The following COBLL1 variants were observed in gnomAD, a reference collection of about 807,000 sequenced individuals.
COBLL1 encodes cordon-bleu protein-like 1.
Under a neutral mutation model 94.8 loss-of-function variants are expected in COBLL1, and 50 were observed. The observed-to-expected ratio is 0.53, with a 90% CI of 0.42 to 0.67. The LOEUF is 0.67. Among genes scored for constraint, COBLL1 ranks in the 30% least tolerant of loss-of-function variants. COBLL1 has a pLI of 0.00. For missense variants in COBLL1, 1,362 were observed against 1,348.7 expected (o/e 1.01, Z -0.15); for synonymous variants, 448 against 473.8 (o/e 0.95, Z 0.71).
intron 1 of COBLL1, among the ~76,000 whole-genome samples, chr2:164,671,186 T>G (rs1174965792): frequency 6.6e-6 from 1 of 152,180 alleles, no homozygotes; most frequent in Non-Finnish European, 1.5e-5. Context: ...CAGTAATCTA[T>G]TATTAGAACC....
chr2:164,754,988 C>T (rs1687321564), intron 2 of COBLL1, among the ~76,000 whole-genome samples: 2 of 151,996 alleles, frequency 1.3e-5, no homozygotes, highest in Admixed American at 1.3e-4. Context: ...CATAATAATA[C>T]TTCATCTCTA....
chr2:164,747,495 T>C (rs1686922543), intron 2 of COBLL1, among the ~76,000 whole-genome samples: 1 of 152,166 alleles, frequency 6.6e-6, no homozygotes, highest in Non-Finnish European at 1.5e-5. Flanking sequence ...CACAGAACTT[T>C]TTTTTTAAGA....
At position 164,818,267 on chromosome 2, in the gene COBLL1, CGTAT is replaced by C. The variant is rs1177680028; in HGVS notation, c.41+22885_41+22888del. Among the ~76,000 whole-genome samples, 876 of 102,380 alleles carry C rather than the reference CGTAT, an allele frequency of 8.6e-3. 9 individuals carry two copies. The highest frequency in any genetic ancestry group is 0.031 in the African/African-American group (799 of 25,642). The allele number at this position is 102,380 out of a possible 152,430, so 67.2% of individuals were successfully genotyped here. A position where few individuals can be genotyped will look rare whatever the true frequency, so the allele number is the denominator to read the frequency against. ...ATACATGTGCATATACACATATACACGTATGTATGTATACATATATGTATGTATA... is the reference window on the plus strand; with the variant it reads ...ATACATGTGCATATACACATATACACGTATGTATACATATATGTATGTATA... On this transcript the variant is annotated intron_variant, in intron 2 of 13. Coordinates refer to ENST00000652658, the MANE Select transcript of COBLL1 (RefSeq NM_001365672.2).
At chr2:164,838,623 C>T (rs780101805) in intron 2 of COBLL1, among the ~76,000 whole-genome samples, 1 of 152,172 alleles carries the variant, frequency 6.6e-6, no homozygotes, top group Non-Finnish European at 1.5e-5. Flanking sequence ...GGGACTTCAA[C>T]ACACTCAGTG....
In COBLL1 at chr2:164,721,071, T is replaced by C. The variant is rs532255628; in HGVS notation, c.996+1004A>G. 5.9e-5 allele frequency among the ~76,000 whole-genome samples: 9 copies of C among 152,358 alleles called. No individual in the cohort carries two copies. In the East Asian group the frequency reaches 1.7e-3, roughly 29 times the overall value. ...CTATCTCTTTGAGTTGCATGTATGA[T>C]AGCCTATAAACTACATTTTAAAACT... On this transcript the variant is annotated intron_variant, in intron 7 of 13. Transcript: ENST00000652658.
At chr2:164,705,926 C>T (rs1484088834) in intron 7 of COBLL1, among the ~76,000 whole-genome samples, 3 of 152,068 alleles carry the variant, frequency 2.0e-5, no homozygotes, top group Admixed American at 6.6e-5. Flanking sequence ...CCCAGCTACT[C>T]GGGAGGCTAA....
At chr2:164,753,971 G>C (rs987126047) in intron 2 of COBLL1, among the ~76,000 whole-genome samples, 1 of 151,926 alleles carries the variant, frequency 6.6e-6, no homozygotes, top group African/African-American at 2.4e-5. Flanking sequence ...ATCCTCAAAT[G>C]ATCCACTTGC....
chr2:164,815,885 G>T (rs1684714889), intron 2 of COBLL1, among the ~76,000 whole-genome samples: 1 of 151,922 alleles, frequency 6.6e-6, no homozygotes, highest in South Asian at 2.1e-4. Flanking sequence ...TTCCTCCACT[G>T]TACCCTTCTT....
chr2:164,707,988 C>G (rs2105464348), intron 7 of COBLL1, among the ~76,000 whole-genome samples: 1 of 152,270 alleles, frequency 6.6e-6, no homozygotes, highest in Non-Finnish European at 1.5e-5. Flanking sequence ...TCTTTGCCAA[C>G]TGTGTTAGGT....
rs1691200517 is a variant in COBLL1 at position 164,668,527 on chromosome 2, A to C, written n.127-2626T>G. Among the ~76,000 whole-genome samples, 3 of 152,354 alleles carry C rather than the reference A, an allele frequency of 2.0e-5. No individual in the cohort carries two copies. The South Asian group carries it at 6.2e-4, about 32-fold the overall frequency. On this transcript the variant is annotated intron_variant and non_coding_transcript_variant, in intron 1 of 2. Transcript: ENST00000495084. ...CTGTCTTACATTTTACAATTACAAA[A>C]GTGTGACACAAGGACATGAAGTGAG... is the stretch of plus-strand genomic sequence containing the variant.
intron 2 of COBLL1, among the ~76,000 whole-genome samples, chr2:164,750,358 A>C (rs74811287): frequency 0.083 from 12,573 of 152,186 alleles, 696 homozygotes; most frequent in Middle Eastern, 0.15. Context: ...CTCAAGCAAA[A>C]AAACTCCAGC....
In COBLL1 at chr2:164,694,606, G is replaced by T. The variant is rs570098899; in HGVS notation, c.2786C>A (p.Pro929His). 2 of 1,613,922 alleles carry T rather than the reference G, an allele frequency of 1.2e-6. No homozygotes were observed. Among genetic ancestry groups the T allele is most frequent in the South Asian group, 2.2e-5 (2 of 91,078 alleles). Residue 929 changes from proline to histidine, a missense_variant, in exon 12 of 14, where the codon CCC becomes CAC. By Grantham distance (77) the Pro-to-His change is moderately conservative. Coordinates refer to ENST00000652658, the MANE Select transcript of COBLL1 (RefSeq NM_001365672.2). ...ATCATCATCAGTTTTTTCAACAAGG[G>T]GTTGTGGAACAGAGTGAGGCATTTT... ...LSKMPHSVPQ[P>H]LVEKTDDDVI...
At chr2:164,676,114 A>C (rs1691331828), downstream of COBLL1, among the ~76,000 whole-genome samples, 1 of 152,246 alleles carries the variant, frequency 6.6e-6, no homozygotes, top group Non-Finnish European at 1.5e-5. Flanking sequence ...AAATAAACTA[A>C]CATTTAAATA....
Position 164,694,952 on chromosome 2 carries a change from A to G in COBLL1, c.2440T>C (p.Ser814Pro). Residue 814 changes from serine to proline, a missense_variant, in exon 12 of 14, where the codon TCA becomes CCA. Transcript: ENST00000652658. The part of the protein sequence containing the change: ...TEHQVPSSVS[S>P]PDDAMVSPLK... Reference sequence around the variant, plus strand: ...GGACTAACCATGGCATCATCAGGTGAGCTCACAGAACTGGGCACTTGATGC... The same window carrying G: ...GGACTAACCATGGCATCATCAGGTGGGCTCACAGAACTGGGCACTTGATGC... The G allele has an allele frequency of 6.2e-7, 1 of 1,613,980 alleles. No individual in the cohort carries two copies. The highest frequency in any genetic ancestry group is 1.1e-5 in the South Asian group (1 of 91,080).
rs571046195 is a variant in COBLL1 at position 164,667,019 on chromosome 2, G to A, written n.127-1118C>T. Among the ~76,000 whole-genome samples, 4 of 151,862 alleles carry A rather than the reference G, an allele frequency of 2.6e-5. 1 individual carries two copies. Among genetic ancestry groups the A allele is most frequent in the Admixed American group, 6.6e-5 (1 of 15,254 alleles). On this transcript the variant is annotated intron_variant and non_coding_transcript_variant, in intron 1 of 2. Coordinates refer to the COBLL1 transcript ENST00000495084. ...TTTCCAGAAAGTTTTTACTTTCCTC[G>A]GATCCATCAGAAGAATAACTATGTA...
intron 1 of COBLL1, among the ~76,000 whole-genome samples, chr2:164,673,699 TAA>T (rs1295643294): frequency 6.6e-6 from 1 of 151,990 alleles, no homozygotes; most frequent in Non-Finnish European, 1.5e-5. Flanking sequence ...AATAAATAAA[TAA>T]ACTCAGTGAA....
At chr2:164,800,576 T>C (rs1683718683) in intron 2 of COBLL1, 1 of 701,694 alleles carries the variant, frequency 1.4e-6, no homozygotes. Context: ...AAAAAAGAAA[T>C]CAAAATTTTG....
intron 12 of COBLL1, among the ~76,000 whole-genome samples, chr2:164,693,642 A>G (rs1446171163): frequency 6.6e-6 from 1 of 152,158 alleles, no homozygotes; most frequent in Non-Finnish European, 1.5e-5. Flanking sequence ...AAGGTTAGAT[A>G]GTGGTTAGAT....
At chr2:164,802,688 GTTTAT>G (rs886513988) in intron 2 of COBLL1, among the ~76,000 whole-genome samples, 32 of 152,196 alleles carry the variant, frequency 2.1e-4, no homozygotes, top group Non-Finnish European at 2.5e-4. Flanking sequence ...GTCTGAGATA[GTTTAT>G]TTTAATACTG....
Sources: allele counts gnomAD v4.1 joint callset (sites outside exome capture counted in the v4.1 genomes callset), GRCh38; gene constraint gnomAD v4.1.1; transcripts MANE v1.5; gene names NCBI Gene and HGNC (gene_info 2026-07-23, HGNC 2026-07-21).